SNX30: variants seen among roughly 807,000 people sequenced by gnomAD.
SNX30 encodes the protein sorting nexin-30.
SNX30 carries 24 observed loss-of-function variants against 46.4 expected under a neutral mutation model. That is an observed-to-expected ratio of 0.52 (90% CI 0.37 to 0.73). SNX30 has a LOEUF of 0.73. SNX30 is among the 30% of genes least tolerant of loss of function. The pLI, the probability that SNX30 is intolerant of heterozygous loss-of-function variation, is 0.00. For synonymous variants in SNX30, 189 were observed against 211.5 expected, an observed-to-expected ratio of 0.89 and a Z score of 0.92; for missense variants, 533 against 555.7, an observed-to-expected ratio of 0.96 and a Z score of 0.41.
intron 2 of SNX30, among the ~76,000 whole-genome samples, chr9:112,815,640 T>A (rs1840385562): frequency 6.6e-6 from 1 of 152,032 alleles, no homozygotes; most frequent in Non-Finnish European, 1.5e-5. Flanking sequence ...GGATTACAGG[T>A]GTGAGCCACT....
chr9:112,830,633 A>G, intron 3 of SNX30, 92 bp from the exon 4 acceptor site: 1 of 1,163,140 alleles, frequency 8.6e-7, no homozygotes, highest in East Asian at 2.4e-5. Context: ...CTTTTCTTGG[A>G]TAGAGGGGTA....
intron 1 of SNX30, among the ~76,000 whole-genome samples, chr9:112,784,493 C>T (rs1281364589): frequency 3.3e-5 from 5 of 152,208 alleles, no homozygotes; most frequent in Admixed American, 6.5e-5. Flanking sequence ...CATGTCCATT[C>T]AGGATGACTG....
At chr9:112,854,270 C>A (rs1333987635) in intron 7 of SNX30, among the ~76,000 whole-genome samples, 1 of 152,216 alleles carries the variant, frequency 6.6e-6, no homozygotes, top group Non-Finnish European at 1.5e-5. Context: ...GCCCTCAGAC[C>A]CCCACAGCTG....
At chr9:112,865,585 C>T (rs10981534) in intron 8 of SNX30, among the ~76,000 whole-genome samples, 118,869 of 141,660 alleles carry the variant, frequency 0.84, 50,397 homozygotes, top group Non-Finnish European at 0.9. Flanking sequence ...CACTACTGTA[C>T]TCCAACCTGG....
downstream of SNX30, among the ~76,000 whole-genome samples, chr9:112,882,761 A>G (rs998787143): frequency 1.3e-5 from 2 of 152,086 alleles, no homozygotes; most frequent in African/African-American, 4.8e-5. Flanking sequence ...TGAGATTGGA[A>G]AGACAGGAGT....
chr9:112,829,948 A>G (rs1351817918), intron 3 of SNX30, among the ~76,000 whole-genome samples: 2 of 152,218 alleles, frequency 1.3e-5, no homozygotes, highest in African/African-American at 4.8e-5. Flanking sequence ...AATTTTAAAA[A>G]TATTTCATAG....
chr9:112,784,231 G>A (rs1211917678), intron 1 of SNX30, among the ~76,000 whole-genome samples: 3 of 152,096 alleles, frequency 2.0e-5, no homozygotes, highest in African/African-American at 4.8e-5. Context: ...TACTGGGAGA[G>A]GGGTACCTGG....
chr9:112,833,045 G>T (rs1840693618), intron 4 of SNX30, among the ~76,000 whole-genome samples: 1 of 151,724 alleles, frequency 6.6e-6, no homozygotes. Context: ...TTTTAAAATT[G>T]TGATAAAATA....
At chr9:112,781,788 C>T (rs1021779834) in intron 1 of SNX30, among the ~76,000 whole-genome samples, 7 of 151,088 alleles carry the variant, frequency 4.6e-5, no homozygotes, top group African/African-American at 2.4e-5. Context: ...CCCACCACCA[C>T]GCTTGGCTAA....
At chr9:112,831,033 G>T in intron 4 of SNX30, 150 bp downstream of exon 4, 1 of 775,706 alleles carries the variant, frequency 1.3e-6, no homozygotes, top group Non-Finnish European at 1.9e-6. Flanking sequence ...AGCTACCTGG[G>T]AGGCTAAGGC....
At chr9:112,843,912 A>G (rs1412270404) in intron 6 of SNX30, among the ~76,000 whole-genome samples, 1 of 152,210 alleles carries the variant, frequency 6.6e-6, no homozygotes, top group Non-Finnish European at 1.5e-5. Flanking sequence ...AAAGGCTGGT[A>G]AGAGTCTGGA....
At chr9:112,791,696 A>G (rs1840027306) in intron 1 of SNX30, among the ~76,000 whole-genome samples, 1 of 152,088 alleles carries the variant, frequency 6.6e-6, no homozygotes, top group Non-Finnish European at 1.5e-5. Flanking sequence ...GGCATGAGCC[A>G]CTGCACCTGG....
downstream of SNX30, chr9:112,879,378 C>A (rs752764700): frequency 3.9e-5 from 7 of 181,670 alleles, no homozygotes; most frequent in Non-Finnish European, 3.4e-5. Context: ...GACTAGTTAG[C>A]TATACTTTGG....
At position 112,868,884 on chromosome 9, in the gene SNX30, C is replaced by T; in HGVS notation, c.*41C>T. On this transcript the variant is annotated 3_prime_UTR_variant, in exon 9 of 9. Transcript: ENST00000374232. The stretch of plus-strand genomic sequence containing the variant: ...CGGAGACTCTTCTACCTACACAGGG[C>T]CTGGCACCCTATACCGGAATGTCCC... The T allele has an allele frequency of 6.3e-7, 1 of 1,589,662 alleles. No homozygotes were observed. The highest frequency in any genetic ancestry group is 8.6e-7 in the Non-Finnish European group (1 of 1,157,844).
chr9:112,829,694 A>G (rs901326580), intron 3 of SNX30, among the ~76,000 whole-genome samples: 1 of 152,196 alleles, frequency 6.6e-6, no homozygotes, highest in Non-Finnish European at 1.5e-5. Context: ...GTGGCTGCAC[A>G]TTTTACATTC....
At chr9:112,816,523 T>G (rs1474075240) in intron 2 of SNX30, among the ~76,000 whole-genome samples, 1 of 152,178 alleles carries the variant, frequency 6.6e-6, no homozygotes, top group Non-Finnish European at 1.5e-5. Flanking sequence ...TGTGTGGGAC[T>G]TGAAGAGGGG....
chr9:112,824,115 A>G (rs1255003941), intron 3 of SNX30, among the ~76,000 whole-genome samples: 4 of 152,222 alleles, frequency 2.6e-5, no homozygotes, highest in African/African-American at 4.8e-5. Context: ...GGATTCAGCA[A>G]TTGAAAGATT....
chr9:112,832,454 GAGAGA>G (rs1840676081), intron 4 of SNX30, among the ~76,000 whole-genome samples: 1 of 119,870 alleles, frequency 8.3e-6, no homozygotes, highest in African/African-American at 3.9e-5. Flanking sequence ...GAGAGAGAGA[GAGAGA>G]GTGTGTGTGT....
rs56856142 is a variant in SNX30, at chr9:112,817,401, C to CTTTTTTTTTTTTTTTTTTTT, written c.349-293_349-274dup. Among the ~76,000 whole-genome samples the CTTTTTTTTTTTTTTTTTTTT allele has an allele frequency of 2.2e-3, 104 of 46,834 alleles. 28 individuals are homozygous for CTTTTTTTTTTTTTTTTTTTT. Among genetic ancestry groups the CTTTTTTTTTTTTTTTTTTTT allele is most frequent in the East Asian group, 5.2e-3 (4 of 772 alleles). 30.7% of individuals were successfully genotyped at this position (46,834 alleles called of 152,430 possible). Reference sequence around the variant, plus strand: ...CGGTAGGGAAAAAAAAAAAAACTGGCTTTTTTTTTTTTTTTTTTTTTTTTT... The same window carrying CTTTTTTTTTTTTTTTTTTTT: ...CGGTAGGGAAAAAAAAAAAAACTGGCTTTTTTTTTTTTTTTTTTTTTTTTTTTTTTTTTTTTTTTTTTTTT... On this transcript the variant is annotated intron_variant, in intron 2 of 8. Transcript: ENST00000374232.
Sources: gnomAD v4.1 joint callset for allele counts (sites outside exome capture counted in the v4.1 genomes callset) on GRCh38, gnomAD v4.1.1 for gene constraint, MANE v1.5 for transcripts, NCBI Gene and HGNC (gene_info 2026-07-23, HGNC 2026-07-21) for gene names.